KLHL18: variants seen among roughly 807,000 people sequenced by gnomAD.
KLHL18 encodes kelch like family member 18, also known as kelch-like protein 18.
In KLHL18, 38 loss-of-function variants were observed where a neutral mutation model predicts 58.5. The ratio of observed to expected loss-of-function variants is 0.65; its 90% CI spans 0.50 to 0.85. The LOEUF is 0.85. Ranked by LOEUF, KLHL18 falls within the 40% of genes least tolerant of loss-of-function variation. The probability of loss-of-function intolerance (pLI) is 0.00; values close to 1 mark genes in which losing one functional copy is unlikely to be tolerated. For missense variants in KLHL18, 624 were observed against 778.4 expected (o/e 0.80, Z 2.36); for synonymous variants, 303 against 301.9 (o/e 1.00, Z -0.04).
chr3:47,329,304 T>C (rs1703798563), intron 3 of KLHL18, among the ~76,000 whole-genome samples: 1 of 152,094 alleles, frequency 6.6e-6, no homozygotes. Context: ...CTCGGCTCAC[T>C]GCAAGCTCCG....
chr3:47,299,327 G>C (rs1702962300), intron 1 of KLHL18, among the ~76,000 whole-genome samples: 1 of 152,170 alleles, frequency 6.6e-6, no homozygotes, highest in East Asian at 1.9e-4. Context: ...GGGAAGCTGA[G>C]GCGGGAGGAT....
intron 1 of KLHL18, among the ~76,000 whole-genome samples, chr3:47,308,336 G>A (rs1703197225): frequency 6.6e-6 from 1 of 151,948 alleles, no homozygotes; most frequent in African/African-American, 2.4e-5. Context: ...GGTTTCCATT[G>A]AACCTGTCAC....
chr3:47,341,163 G>A (rs756230175), intron 8 of KLHL18, among the ~76,000 whole-genome samples: 8 of 152,142 alleles, frequency 5.3e-5, no homozygotes, highest in African/African-American at 1.4e-4. Flanking sequence ...GTTTAACCTC[G>A]GGTTTTATAT....
intron 1 of KLHL18, among the ~76,000 whole-genome samples, chr3:47,307,081 C>CT (rs1282942040): frequency 6.6e-6 from 1 of 151,796 alleles, no homozygotes; most frequent in Non-Finnish European, 1.5e-5. Context: ...TGTAACTTGT[C>CT]TTTTTTTCGA....
chr3:47,334,696 G>A lies in KLHL18; in HGVS notation c.775G>A (p.Glu259Lys), dbSNP rs779560019. 9.9e-6 allele frequency: 16 copies of A among 1,614,092 alleles called. No individual in the cohort carries two copies. The Admixed American group carries it at 1.3e-4, about 13-fold the overall frequency. The change falls in exon 6 of 10, where the codon GAA becomes AAA. Residue 259 changes from glutamate to lysine, a missense_variant. Physicochemically the swap from Glu to Lys is moderately conservative, Grantham distance 56. Coordinates refer to ENST00000232766, the MANE Select transcript of KLHL18 (RefSeq NM_025010.5). The surrounding 1 kb of genome is among the most constrained non-coding windows in gnomAD (Gnocchi z 4.7). ...CCHKCRDLVDEAKDYHLMPER... is the reference protein window; with the variant it reads ...CCHKCRDLVDKAKDYHLMPER... ...ACCTTATTCTAGGGACCTGGTAGAC[G>A]AAGCAAAGGACTACCACCTCATGCC...
intron 8 of KLHL18, 101 bp from the exon 9 acceptor site, chr3:47,342,618 G>A (rs1704133435): frequency 5.7e-6 from 5 of 870,572 alleles, no homozygotes; most frequent in Non-Finnish European, 9.2e-6. Flanking sequence ...AAGAGATGGA[G>A]AGATGGCCAG....
chr3:47,322,562 C>T lies in KLHL18; in HGVS notation c.261-6C>T, dbSNP rs769854365. On this transcript the variant is annotated splice_region_variant and splice_polypyrimidine_tract_variant and intron_variant, in intron 2 of 9. Transcript: ENST00000232766. Reference sequence around the variant, plus strand: ...AGCACCTCACAGCTTTCCCTCTTTCCTCTAGTGCCCTGGAGGCTCTGATCA... The same window carrying T: ...AGCACCTCACAGCTTTCCCTCTTTCTTCTAGTGCCCTGGAGGCTCTGATCA... 2 of 1,590,650 alleles carry T rather than the reference C, an allele frequency of 1.3e-6. No homozygotes were observed. The highest frequency in any genetic ancestry group is 1.7e-6 in the Non-Finnish European group (2 of 1,169,426).
intron 3 of KLHL18, 117 bp from the exon 4 acceptor site, chr3:47,329,834 A>T: frequency 1.3e-6 from 1 of 797,586 alleles, no homozygotes; most frequent in Non-Finnish European, 2.1e-6. Context: ...AGTTTCCAAC[A>T]AAGCTGAGGT....
intron 1 of KLHL18, among the ~76,000 whole-genome samples, chr3:47,288,090 G>A (rs994765139): frequency 6.6e-6 from 1 of 151,672 alleles, no homozygotes; most frequent in African/African-American, 2.4e-5. Context: ...ACATGCTGGC[G>A]CGGGCCTGTA....
At chr3:47,294,526 A>C (rs1458359917) in intron 1 of KLHL18, among the ~76,000 whole-genome samples, 1 of 152,164 alleles carries the variant, frequency 6.6e-6, no homozygotes, top group Non-Finnish European at 1.5e-5. Flanking sequence ...AGGGAACAGT[A>C]AGCACGGAGC....
chr3:47,336,788 T>TA (rs761044986), intron 7 of KLHL18, 31 bp downstream of exon 7: 2 of 1,549,454 alleles, frequency 1.3e-6, no homozygotes, highest in Admixed American at 3.3e-5. Flanking sequence ...AGCCCGAACA[T>TA]ACACACTGAG....
chr3:47,305,551 G>A (rs1703127332), intron 1 of KLHL18, among the ~76,000 whole-genome samples: 1 of 151,908 alleles, frequency 6.6e-6, no homozygotes, highest in Non-Finnish European at 1.5e-5. Flanking sequence ...ATATTCATGA[G>A]GGATATTGGT....
At chr3:47,311,574 C>T (rs1703301759) in intron 1 of KLHL18, among the ~76,000 whole-genome samples, 1 of 152,058 alleles carries the variant, frequency 6.6e-6, no homozygotes, top group African/African-American at 2.4e-5. Context: ...TGCCTGTAGT[C>T]CCAGCTACTC....
At chr3:47,333,828 A>G (rs1017253218) in intron 5 of KLHL18, among the ~76,000 whole-genome samples, 1 of 152,248 alleles carries the variant, frequency 6.6e-6, no homozygotes, top group Admixed American at 6.5e-5. Flanking sequence ...GAGCAAATCA[A>G]TGACAACATG....
At position 47,334,659 on chromosome 3, in the gene KLHL18, C is replaced by T; in HGVS notation, c.762-24C>T. ...CTAAGTCAGGGGGATACCTCCTGTT[C>T]TAGCATCTTCCACCTTATTCTAGGG... On this transcript the variant is annotated intron_variant, in intron 5 of 9. Coordinates refer to ENST00000232766, the MANE Select transcript of KLHL18 (RefSeq NM_025010.5). The surrounding 1 kb of genome is among the most constrained non-coding windows in gnomAD (Gnocchi z 4.7). 1 of 1,613,732 alleles carries T rather than the reference C, an allele frequency of 6.2e-7. No individual in the cohort carries two copies. Among genetic ancestry groups the T allele is most frequent in the African/African-American group, 1.3e-5 (1 of 75,040 alleles).
At chr3:47,292,090 G>A (rs535972916) in intron 1 of KLHL18, among the ~76,000 whole-genome samples, 9 of 152,316 alleles carry the variant, frequency 5.9e-5, no homozygotes, top group African/African-American at 2.2e-4. Flanking sequence ...TGAAGGTAAA[G>A]GTCAGAGCTT....
intron 1 of KLHL18, among the ~76,000 whole-genome samples, chr3:47,290,896 A>G (rs1702778298): frequency 6.6e-6 from 1 of 152,264 alleles, no homozygotes; most frequent in South Asian, 2.1e-4. Context: ...GTTGTGAATA[A>G]TGCTGTTAAA....
rs754076771 is a variant in KLHL18, at chr3:47,340,662, A to G, written c.1212A>G (p.Ser404=). 19 of 1,613,884 alleles carry G rather than the reference A, an allele frequency of 1.2e-5. No individual in the cohort carries two copies. The highest frequency in any genetic ancestry group is 8.5e-6 in the Non-Finnish European group (10 of 1,179,992). The part of the protein sequence containing the change: ...NSSLSSVETY[S]PETDKWTVVT... ...CCCTCAGCTCCGTGGAGACCTACTC[A>G]CCTGAGACGGACAAGTAAGGACTCC... Residue 404 remains serine, a synonymous_variant, in exon 8 of 10, where the codon TCA becomes TCG. Coordinates refer to ENST00000232766, the MANE Select transcript of KLHL18 (RefSeq NM_025010.5).
intron 1 of KLHL18, 127 bp from the exon 2 acceptor site, chr3:47,319,526 A>G: frequency 1.0e-6 from 1 of 982,544 alleles, no homozygotes; most frequent in Non-Finnish European, 1.5e-6. Context: ...GGATGCCTTC[A>G]CCGCCTTTGC....
Sources: gnomAD v4.1 joint callset for allele counts (sites outside exome capture counted in the v4.1 genomes callset) on GRCh38, gnomAD v4.1.1 for gene constraint, Gnocchi (gnomAD v3.1) non-coding constraint, MANE v1.5 for transcripts, NCBI Gene and HGNC (gene_info 2026-07-23, HGNC 2026-07-21) for gene names.